The following MARCHF1 variants were observed in gnomAD, a reference collection of about 807,000 sequenced individuals.
MARCHF1 encodes the protein E3 ubiquitin-protein ligase MARCHF1.
Under a neutral mutation model 54.2 loss-of-function variants are expected in MARCHF1, and 40 were observed. The observed-to-expected ratio is 0.74, with a 90% CI of 0.57 to 0.96. The LOEUF (loss-of-function observed/expected upper bound fraction) is 0.96. Among genes scored for constraint, MARCHF1 ranks in the 40% least tolerant of loss-of-function variants. MARCHF1 has a pLI of 0.00. For missense variants in MARCHF1, 586 were observed against 656.5 expected (o/e 0.89, Z 1.17); for synonymous variants, 236 against 236.3 (o/e 1.00, Z 0.01).
At chr4:163,762,675 A>G (rs1355617975) in intron 4 of MARCHF1, among the ~76,000 whole-genome samples, 1 of 152,112 alleles carries the variant, frequency 6.6e-6, no homozygotes. Flanking sequence ...TAGCACACTT[A>G]CCTTAATTAG....
At chr4:164,312,062 C>A (rs986220801) in intron 1 of MARCHF1, among the ~76,000 whole-genome samples, 1 of 152,146 alleles carries the variant, frequency 6.6e-6, no homozygotes, top group East Asian at 1.9e-4. Context: ...TGTGGCACTA[C>A]CTTTGCCAGA....
At chr4:163,798,989 A>G (rs1339291819) in intron 4 of MARCHF1, among the ~76,000 whole-genome samples, 4 of 152,122 alleles carry the variant, frequency 2.6e-5, no homozygotes, top group Non-Finnish European at 4.4e-5. Context: ...TGTCAGGTAG[A>G]TATTTTCATC....
At chr4:164,083,326 G>T (rs2111117494) in intron 2 of MARCHF1, among the ~76,000 whole-genome samples, 1 of 152,006 alleles carries the variant, frequency 6.6e-6, no homozygotes, top group East Asian at 1.9e-4. Flanking sequence ...TAATCATCTG[G>T]CTGTCTCTCA....
At chr4:163,794,670 T>C (rs1006541419) in intron 4 of MARCHF1, among the ~76,000 whole-genome samples, 1 of 152,200 alleles carries the variant, frequency 6.6e-6, no homozygotes, top group Non-Finnish European at 1.5e-5. Context: ...TTACATCTTA[T>C]GTTAAAATGT....
At chr4:164,342,196 A>G (rs1265421867) in intron 1 of MARCHF1, among the ~76,000 whole-genome samples, 1 of 152,194 alleles carries the variant, frequency 6.6e-6, no homozygotes, top group Non-Finnish European at 1.5e-5. Flanking sequence ...CAACAAGTAA[A>G]TTAAAAGATG....
At chr4:164,169,014 T>C (rs370754653) in intron 1 of MARCHF1, among the ~76,000 whole-genome samples, 1 of 152,178 alleles carries the variant, frequency 6.6e-6, no homozygotes, top group East Asian at 1.9e-4. Flanking sequence ...TTTAGAGATC[T>C]AATGTACAAA....
rs557466656 is a variant in MARCHF1 at position 164,147,678 on chromosome 4, G to C, written c.-322-36016C>G. On this transcript the variant is annotated intron_variant, in intron 1 of 9. Coordinates refer to ENST00000514618, the MANE Select transcript of MARCHF1 (RefSeq NM_001394959.1). ...CACACTCTGGGGCCTGTTATGGGGT[G>C]GGGGGAGGGGGGAGGGATAGCATTG... 1.8e-3 allele frequency among the ~76,000 whole-genome samples: 147 copies of C among 79,602 alleles called. 1 individual carries two copies. Among genetic ancestry groups the C allele is most frequent in the South Asian group, 4.8e-3 (7 of 1,444 alleles). The allele number at this position is 79,602 out of a possible 152,430, so 52.2% of individuals were successfully genotyped here.
chr4:164,217,678 C>T (rs1215702104), intron 1 of MARCHF1, among the ~76,000 whole-genome samples: 1 of 152,152 alleles, frequency 6.6e-6, no homozygotes, highest in Non-Finnish European at 1.5e-5. Flanking sequence ...TGCCCCCAAC[C>T]ATTTATAAGG....
At chr4:163,566,294 CCG>C (rs1303816737) in intron 8 of MARCHF1, among the ~76,000 whole-genome samples, 5 of 152,210 alleles carry the variant, frequency 3.3e-5, no homozygotes, top group Non-Finnish European at 5.9e-5. Context: ...TACTGTTTGT[CCG>C]GGCTGCCCTT....
intron 4 of MARCHF1, among the ~76,000 whole-genome samples, chr4:163,726,746 C>T (rs778160317): frequency 6.6e-6 from 1 of 152,202 alleles, no homozygotes; most frequent in Non-Finnish European, 1.5e-5. Context: ...GTTCCTGTTA[C>T]TCTGCATCCT....
At chr4:163,793,170 C>A (rs906929434) in intron 4 of MARCHF1, among the ~76,000 whole-genome samples, 3 of 152,126 alleles carry the variant, frequency 2.0e-5, no homozygotes, top group Non-Finnish European at 4.4e-5. Flanking sequence ...TAGAAATAAA[C>A]AGGCAAAAAT....
chr4:164,126,080 C>T (rs1756173411), intron 1 of MARCHF1, among the ~76,000 whole-genome samples: 1 of 152,188 alleles, frequency 6.6e-6, no homozygotes, highest in African/African-American at 2.4e-5. Flanking sequence ...AGGTTCCAGT[C>T]TTCATCCTTT....
chr4:163,559,430 TAAG>T (rs1193766389), intron 8 of MARCHF1, among the ~76,000 whole-genome samples: 3 of 152,124 alleles, frequency 2.0e-5, no homozygotes, highest in East Asian at 1.9e-4. Flanking sequence ...CCTTTCGAAC[TAAG>T]AAGAAGTCAA....
chr4:164,252,566 G>A (rs1484177482), intron 1 of MARCHF1, among the ~76,000 whole-genome samples: 3 of 152,022 alleles, frequency 2.0e-5, no homozygotes, highest in Non-Finnish European at 2.9e-5. Context: ...TTCAGCCTCA[G>A]AACAAAGCCA....
At chr4:163,932,379 A>G in intron 3 of MARCHF1, 1 of 346,228 alleles carries the variant, frequency 2.9e-6, no homozygotes, top group Non-Finnish European at 5.8e-6. Flanking sequence ...TCAAAACTGG[A>G]GTAAATCCTT....
intron 2 of MARCHF1, 182 bp from the exon 3 acceptor site, chr4:163,988,891 T>A (rs1158926942): frequency 6.6e-6 from 1 of 152,246 alleles, no homozygotes. Context: ...GCTTTGTCAC[T>A]GGAGCACCCC....
At chr4:163,573,533 G>A (rs1252378395) in intron 8 of MARCHF1, among the ~76,000 whole-genome samples, 3 of 138,394 alleles carry the variant, frequency 2.2e-5, no homozygotes, top group Admixed American at 8.3e-5. Context: ...TCATTGTTCA[G>A]TTCCCACCTA....
At chr4:164,016,616 A>C (rs1311580521) in intron 2 of MARCHF1, among the ~76,000 whole-genome samples, 2 of 152,162 alleles carry the variant, frequency 1.3e-5, no homozygotes, top group Admixed American at 1.3e-4. Flanking sequence ...AAAATAACTC[A>C]TGGAGATAAG....
chr4:163,828,756 T>C (rs562382099), intron 4 of MARCHF1: 1 of 152,302 alleles, frequency 6.6e-6, no homozygotes, highest in African/African-American at 2.4e-5. Context: ...ACATTGGATA[T>C]TCTGGCCATG....
Sources: allele counts gnomAD v4.1 joint callset (sites outside exome capture counted in the v4.1 genomes callset), GRCh38; gene constraint gnomAD v4.1.1; transcripts MANE v1.5; gene names NCBI Gene and HGNC (gene_info 2026-07-23, HGNC 2026-07-21).